Variants in GRIN2B observed in about 807,000 individuals in gnomAD.
GRIN2B encodes the protein glutamate ionotropic receptor NMDA type subunit 2B.
In GRIN2B, 5 loss-of-function variants were observed where a neutral mutation model predicts 114.5. That is an observed-to-expected ratio of 0.04 (90% CI 0.02 to 0.09). GRIN2B has a LOEUF of 0.09. Ranked by LOEUF, GRIN2B falls within the 10% of genes least tolerant of loss-of-function variation. The pLI is 1.00. For synonymous variants in GRIN2B, 787 were observed against 745.1 expected, an observed-to-expected ratio of 1.06 and a Z score of -0.92; for missense variants, 1,108 against 1,943.5, an observed-to-expected ratio of 0.57 and a Z score of 8.08.
intron 2 of GRIN2B, among the ~76,000 whole-genome samples, chr12:13,949,662 G>A (rs554631801): frequency 9.5e-4 from 145 of 152,296 alleles, no homozygotes; most frequent in African/African-American, 1.7e-3. Context: ...GTTAACAAAC[G>A]ATTTCATTTA....
intron 3 of GRIN2B, among the ~76,000 whole-genome samples, chr12:13,767,769 T>C (rs1282155126): frequency 3.5e-4 from 54 of 152,194 alleles, no homozygotes; most frequent in Admixed American, 3.5e-3. Flanking sequence ...CCTCTTTTGT[T>C]CATATTTTTG....
chr12:13,567,475 A>G (rs1948656231), intron 12 of GRIN2B, among the ~76,000 whole-genome samples: 1 of 152,250 alleles, frequency 6.6e-6, no homozygotes. Context: ...TAAGCATTCA[A>G]TAAAAATTTC....
intron 2 of GRIN2B, among the ~76,000 whole-genome samples, chr12:13,892,320 A>AT (rs1224903610): frequency 6.6e-6 from 1 of 152,180 alleles, no homozygotes; most frequent in African/African-American, 2.4e-5. Context: ...TCTAATTTGT[A>AT]TTTTATGCTT....
chr12:13,734,587 C>T (rs1320948535), intron 4 of GRIN2B, among the ~76,000 whole-genome samples: 2 of 152,154 alleles, frequency 1.3e-5, no homozygotes, highest in African/African-American at 4.8e-5. Context: ...ACAAACCCCA[C>T]CTTTTATTTC....
intron 10 of GRIN2B, among the ~76,000 whole-genome samples, chr12:13,584,959 G>C (rs146247340): frequency 1.3e-5 from 2 of 152,306 alleles, no homozygotes; most frequent in African/African-American, 4.8e-5. Flanking sequence ...GGGTACAAGG[G>C]ATTGTTCCAG....
intron 2 of GRIN2B, among the ~76,000 whole-genome samples, chr12:13,872,350 G>C (rs563012216): frequency 6.1e-4 from 92 of 151,994 alleles, no homozygotes; most frequent in African/African-American, 2.1e-3. Context: ...CAGCTACTCT[G>C]GAGGCTGAGG....
At chr12:13,941,197 G>C (rs1867244056) in intron 2 of GRIN2B, among the ~76,000 whole-genome samples, 1 of 152,136 alleles carries the variant, frequency 6.6e-6, no homozygotes, top group Admixed American at 6.5e-5. Flanking sequence ...AGTACTGCTA[G>C]ATATTGAGAA....
At position 13,562,563 on chromosome 12, in the gene GRIN2B, C is replaced by CG. The variant is rs1264569966; in HGVS notation, c.*219dup. 5.8e-5 allele frequency: 33 copies of CG among 573,172 alleles called. 1 individual carries two copies. In the South Asian group the frequency reaches 5.8e-4, roughly 10 times the overall value. 35.5% of individuals were successfully genotyped at this position (573,172 alleles called of 1,614,324 possible). On this transcript the variant is annotated 3_prime_UTR_variant, in exon 14 of 14. Transcript: ENST00000609686. The stretch of plus-strand genomic sequence containing the variant: ...TCATGGGAACAGGAATGGCTGACAG[C>CG]GGGGGGAAGAAGGAGAGAACTGTGA...
chr12:13,628,367 C>T (rs1440320461), intron 5 of GRIN2B, among the ~76,000 whole-genome samples: 1 of 152,202 alleles, frequency 6.6e-6, no homozygotes, highest in Non-Finnish European at 1.5e-5. Flanking sequence ...GACTGGTCCC[C>T]AGCTTGCTCT....
At chr12:13,744,538 T>C (rs1451439144) in intron 4 of GRIN2B, among the ~76,000 whole-genome samples, 4 of 151,710 alleles carry the variant, frequency 2.6e-5, no homozygotes, top group Non-Finnish European at 4.4e-5. Flanking sequence ...CAGCAAAAGA[T>C]CAATGAACAA....
At chr12:13,683,260 G>C (rs984348417) in intron 4 of GRIN2B, among the ~76,000 whole-genome samples, 5 of 152,068 alleles carry the variant, frequency 3.3e-5, no homozygotes, top group Non-Finnish European at 7.4e-5. Context: ...AGAAAATAAA[G>C]GGGAGAAACA....
rs916745822 is a variant in GRIN2B, at chr12:13,563,348, T to C, written c.3890A>G (p.Lys1297Arg). 3 of 1,614,182 alleles carry C rather than the reference T, an allele frequency of 1.9e-6. No individual in the cohort carries two copies. Among genetic ancestry groups the C allele is most frequent in the Non-Finnish European group, 2.5e-6 (3 of 1,180,028 alleles). Residue 1297 changes from lysine (K) to arginine (R), a missense_variant, in exon 14 of 14, where the codon AAA becomes AGA. Transcript: ENST00000609686. ...GTCGTAGGAGTGCTGCCGGCGCAGT[T>C]TGTTCCGGTTCTTCTTCTGGGCCTT... ...NSKAQKKNRN[K>R]LRRQHSYDTF...
intron 10 of GRIN2B, among the ~76,000 whole-genome samples, chr12:13,579,862 C>T (rs1208920023): frequency 6.6e-6 from 1 of 152,172 alleles, no homozygotes; most frequent in East Asian, 1.9e-4. Flanking sequence ...ATATAAATTT[C>T]CTGAAAGGCT....
At chr12:13,926,263 C>A (rs1198299972) in intron 2 of GRIN2B, among the ~76,000 whole-genome samples, 7 of 152,128 alleles carry the variant, frequency 4.6e-5, no homozygotes, top group African/African-American at 1.7e-4. Context: ...CAACACACAC[C>A]CAATGACAAA....
At chr12:13,752,437 C>CA (rs1863498080) in intron 4 of GRIN2B, among the ~76,000 whole-genome samples, 1 of 152,180 alleles carries the variant, frequency 6.6e-6, no homozygotes, top group African/African-American at 2.4e-5. Context: ...ATTATTTCTA[C>CA]AATGATTATC....
intron 2 of GRIN2B, among the ~76,000 whole-genome samples, chr12:13,867,036 C>T (rs897237898): frequency 3.3e-5 from 5 of 151,894 alleles, no homozygotes; most frequent in African/African-American, 1.2e-4. Context: ...TATTACACTA[C>T]GTGGAACTGC....
At chr12:13,771,693 T>C (rs564749484) in intron 3 of GRIN2B, among the ~76,000 whole-genome samples, 1 of 152,356 alleles carries the variant, frequency 6.6e-6, no homozygotes, top group Admixed American at 6.5e-5. Flanking sequence ...ACACAGTAAC[T>C]TCCCTGGTTC....
intron 2 of GRIN2B, among the ~76,000 whole-genome samples, chr12:13,919,183 ACCT>A (rs888080575): frequency 1.3e-5 from 2 of 151,998 alleles, no homozygotes; most frequent in Non-Finnish European, 2.9e-5. Context: ...CACGGACCTA[ACCT>A]CCTTTAACCT....
At chr12:13,748,358 C>T (rs190870819) in intron 4 of GRIN2B, among the ~76,000 whole-genome samples, 318 of 152,280 alleles carry the variant, frequency 2.1e-3, no homozygotes, top group African/African-American at 7.2e-3. Flanking sequence ...TGTACCATCA[C>T]GTGAGTGACA....
Sources: allele counts gnomAD v4.1 joint callset (sites outside exome capture counted in the v4.1 genomes callset), GRCh38; gene constraint gnomAD v4.1.1; transcripts MANE v1.5; gene names NCBI Gene and HGNC (gene_info 2026-07-23, HGNC 2026-07-21).